HFM1: variants seen among roughly 807,000 people sequenced by gnomAD.
HFM1 encodes helicase for meiosis 1.
In HFM1, 169 loss-of-function variants were observed where a neutral mutation model predicts 192.1. The observed-to-expected ratio is 0.88, with a 90% CI of 0.78 to 1.00. The LOEUF is 1.00. Ranked by LOEUF, HFM1 falls within the 50% of genes least tolerant of loss-of-function variation. HFM1 has a pLI of 0.00. For synonymous variants in HFM1, 525 were observed against 537.8 expected (o/e 0.98, Z 0.33); for missense variants, 1,661 against 1,668.0 (o/e 1.00, Z 0.07).
At chr1:91,262,176 G>A (rs1665222557) in intron 38 of HFM1, 65 bp downstream of exon 38, 3 of 700,930 alleles carry the variant, frequency 4.3e-6, no homozygotes, top group Non-Finnish European at 2.2e-6. Flanking sequence ...AAAACGGAAG[G>A]CTGAATTTCT....
At chr1:91,306,573 G>A (rs2101079347) in intron 30 of HFM1, among the ~76,000 whole-genome samples, 1 of 151,902 alleles carries the variant, frequency 6.6e-6, no homozygotes, top group South Asian at 2.1e-4. Context: ...TAAAAAATAT[G>A]GCCAAATTCA....
intron 20 of HFM1, chr1:91,338,954 C>A (rs1046030087): frequency 2.2e-6 from 1 of 455,874 alleles, no homozygotes; most frequent in South Asian, 1.5e-5. Flanking sequence ...AGGTACTTAA[C>A]CTCGAGGGGC....
intron 19 of HFM1, among the ~76,000 whole-genome samples, chr1:91,344,924 A>T (rs527704397): frequency 5.3e-5 from 8 of 151,550 alleles, no homozygotes; most frequent in African/African-American, 1.9e-4. Flanking sequence ...CATTTTTTTT[A>T]AAAACTTTGT....
chr1:91,323,494 T>C (rs944007692), intron 21 of HFM1, among the ~76,000 whole-genome samples: 3 of 152,166 alleles, frequency 2.0e-5, no homozygotes, highest in South Asian at 4.1e-4. Context: ...CCAGTGCCTA[T>C]CACATAGTAA....
At chr1:91,303,044 T>C (rs957657883) in intron 30 of HFM1, among the ~76,000 whole-genome samples, 16 of 152,232 alleles carry the variant, frequency 1.1e-4, no homozygotes, top group Admixed American at 9.2e-4. Flanking sequence ...ACCATTCACA[T>C]TTTTAAACTG....
chr1:91,325,603 A>G (rs1352952610), intron 20 of HFM1, among the ~76,000 whole-genome samples: 1 of 152,212 alleles, frequency 6.6e-6, no homozygotes, highest in East Asian at 1.9e-4. Flanking sequence ...AATCGGGCTT[A>G]TGGCCAAAGT....
chr1:91,311,354 A>T (rs1010721811), intron 30 of HFM1, among the ~76,000 whole-genome samples: 2 of 152,166 alleles, frequency 1.3e-5, no homozygotes, highest in Non-Finnish European at 2.9e-5. Flanking sequence ...AACAGGGCAT[A>T]AAAGTTCAGA....
At chr1:91,297,717 T>G (rs1413976807) in intron 30 of HFM1, among the ~76,000 whole-genome samples, 1 of 151,582 alleles carries the variant, frequency 6.6e-6, no homozygotes. Context: ...CCAACAGACC[T>G]GCAGCTGAGG....
chr1:91,341,358 C>T (rs1655303479), intron 20 of HFM1, among the ~76,000 whole-genome samples: 1 of 152,070 alleles, frequency 6.6e-6, no homozygotes, highest in East Asian at 1.9e-4. Flanking sequence ...GAACTTAAGG[C>T]AGAAATCAAG....
intron 1 of HFM1, among the ~76,000 whole-genome samples, chr1:91,404,280 A>C (rs1294341118): frequency 1.3e-5 from 2 of 152,222 alleles, no homozygotes; most frequent in African/African-American, 4.8e-5. Context: ...GGATTTCCTA[A>C]GGAGAATATC....
At chr1:91,280,659 A>G (rs1055526746) in intron 30 of HFM1, among the ~76,000 whole-genome samples, 1 of 152,224 alleles carries the variant, frequency 6.6e-6, no homozygotes, top group African/African-American at 2.4e-5. Context: ...CCACTAAGGT[A>G]TGGAACTTTC....
chr1:91,339,137 T>C, intron 20 of HFM1: 1 of 418,366 alleles, frequency 2.4e-6, no homozygotes, highest in Non-Finnish European at 4.7e-6. Flanking sequence ...CAACTTCAAA[T>C]ATTAAAGGAA....
intron 30 of HFM1, among the ~76,000 whole-genome samples, chr1:91,293,339 C>T (rs1669002569): frequency 1.3e-5 from 2 of 152,250 alleles, no homozygotes; most frequent in Admixed American, 6.5e-5. Context: ...CTACAAAGAA[C>T]TCAAACAAAT....
At chr1:91,275,229 C>T (rs963462115) in intron 32 of HFM1, among the ~76,000 whole-genome samples, 18 of 152,072 alleles carry the variant, frequency 1.2e-4, no homozygotes, top group Non-Finnish European at 2.2e-4. Context: ...GTGATCCACC[C>T]GCCTCGGCCT....
At chr1:91,313,204 T>C (rs1159508743) in intron 30 of HFM1, 145 bp downstream of exon 30, 3 of 499,900 alleles carry the variant, frequency 6.0e-6, no homozygotes, top group Non-Finnish European at 7.0e-6. Flanking sequence ...ATCTCTACTA[T>C]ATACTATTAA....
Position 91,387,553 on chromosome 1 carries a change from C to G in HFM1, c.495-1719G>C, listed in dbSNP as rs189339713. On this transcript the variant is annotated intron_variant, in intron 4 of 38. Transcript: ENST00000370425. ...CCTGCGTTACCGTTTGACAGGTGTA[C>G]AGCCCCAGTCAAACTCCCCACCTGG... 4.3e-3 allele frequency among the ~76,000 whole-genome samples: 658 copies of G among 152,068 alleles called. 3 individuals carry two copies. The highest frequency in any genetic ancestry group is 0.015 in the African/African-American group (617 of 41,474).
chr1:91,265,958 A>G, intron 36 of HFM1, 59 bp downstream of exon 36: 4 of 1,564,174 alleles, frequency 2.6e-6, no homozygotes, highest in South Asian at 2.4e-5. Flanking sequence ...CCCATCTCCA[A>G]CTATGTGTCA....
At chr1:91,380,370 T>C (rs1055257854) in intron 7 of HFM1, 134 bp from the exon 8 acceptor site, 9 of 542,712 alleles carry the variant, frequency 1.7e-5, no homozygotes, top group African/African-American at 4.0e-5. Context: ...GTTATAAAAA[T>C]TGTAACTTTG....
At chr1:91,370,341 A>C (rs532614468) in intron 13 of HFM1, among the ~76,000 whole-genome samples, 1 of 152,220 alleles carries the variant, frequency 6.6e-6, no homozygotes, top group Admixed American at 6.5e-5. Context: ...AAAATCCTCA[A>C]TAAAATACTG....
Sources: gnomAD v4.1 joint callset for allele counts (sites outside exome capture counted in the v4.1 genomes callset) on GRCh38, gnomAD v4.1.1 for gene constraint, MANE v1.5 for transcripts, NCBI Gene and HGNC (gene_info 2026-07-23, HGNC 2026-07-21) for gene names.